ZNRF1: variants seen among roughly 807,000 people sequenced by gnomAD.
ZNRF1 encodes E3 ubiquitin-protein ligase ZNRF1.
In ZNRF1, 3 loss-of-function variants were observed where a neutral mutation model predicts 18.4. That is an observed-to-expected ratio of 0.16 (90% CI 0.07 to 0.42). ZNRF1 has a LOEUF of 0.42. Ranked by LOEUF, ZNRF1 falls within the 10% of genes least tolerant of loss-of-function variation. The probability of loss-of-function intolerance (pLI) is 0.99; values close to 1 mark genes in which losing one functional copy is unlikely to be tolerated. For missense variants in ZNRF1, 310 were observed against 329.8 expected (o/e 0.94, Z 0.47); for synonymous variants, 157 against 144.2 (o/e 1.09, Z -0.64).
chr16:75,091,728 G>A (rs540337181), intron 1 of ZNRF1, among the ~76,000 whole-genome samples: 28 of 151,690 alleles, frequency 1.8e-4, no homozygotes, highest in African/African-American at 5.6e-4. Flanking sequence ...GTAGAGACAG[G>A]CTTTTGCCAT....
In ZNRF1 at chr16:75,108,562, A is replaced by G. The variant is rs2036343664; in HGVS notation, c.*862A>G. The G allele has an allele frequency of 5.0e-6, 2 of 398,836 alleles. No homozygotes were observed. The highest frequency in any genetic ancestry group is 8.8e-6 in the Non-Finnish European group (2 of 226,074). The allele number at this position is 398,836 out of a possible 1,614,324, so 24.7% of individuals were successfully genotyped here. On this transcript the variant is annotated 3_prime_UTR_variant, in exon 5 of 5. Coordinates refer to ENST00000335325, the MANE Select transcript of ZNRF1 (RefSeq NM_032268.5). ...GCCATTGATGTTCACACGTGGCATC[A>G]GCCCATGCAAGATAGGTTTCTGTAT...
chr16:75,035,280 T>C (rs963627740), intron 1 of ZNRF1, among the ~76,000 whole-genome samples: 18 of 152,182 alleles, frequency 1.2e-4, no homozygotes, highest in African/African-American at 3.9e-4. Flanking sequence ...GTGATCCTCC[T>C]GTCTCAGCCT....
intron 1 of ZNRF1, among the ~76,000 whole-genome samples, chr16:75,087,977 T>C (rs1662058847): frequency 6.6e-6 from 1 of 152,226 alleles, no homozygotes; most frequent in South Asian, 2.1e-4. Flanking sequence ...TCCTGAAGCA[T>C]CTCTTACCTG....
intron 3 of ZNRF1, chr16:75,106,114 G>A (rs3826112): frequency 0.3 from 60,792 of 205,804 alleles, 10,878 homozygotes; most frequent in East Asian, 0.66. Context: ...TGGGAGTCTT[G>A]GAGACAGCTG....
chr16:75,044,225 C>G (rs2035485999), intron 1 of ZNRF1, among the ~76,000 whole-genome samples: 1 of 152,014 alleles, frequency 6.6e-6, no homozygotes, highest in South Asian at 2.1e-4. Context: ...CTCTGACTTT[C>G]TTTAAAATTT....
At chr16:75,023,956 C>T (rs2035188766) in intron 1 of ZNRF1, among the ~76,000 whole-genome samples, 1 of 148,330 alleles carries the variant, frequency 6.7e-6, no homozygotes, top group South Asian at 2.2e-4. Flanking sequence ...CTGCAATCTC[C>T]ACCTCCTGGG....
At position 75,094,033 on chromosome 16, in the gene ZNRF1, G is replaced by A. The variant is rs1042765182; in HGVS notation, c.520+366G>A. 2.0e-5 allele frequency among the ~76,000 whole-genome samples: 3 copies of A among 152,222 alleles called. No individual in the cohort carries two copies. The East Asian group carries it at 5.8e-4, about 29-fold the overall frequency. ...CCCAAGACAGCCAGGTGTCCTCCAC[G>A]GCTTAGCAGAGGGGCCCAGAGCAAG... On this transcript the variant is annotated intron_variant, in intron 2 of 4. Coordinates refer to ENST00000335325, the MANE Select transcript of ZNRF1 (RefSeq NM_032268.5).
intron 1 of ZNRF1, among the ~76,000 whole-genome samples, chr16:75,088,197 G>A (rs968492156): frequency 2.6e-5 from 4 of 152,162 alleles, no homozygotes; most frequent in Non-Finnish European, 4.4e-5. Context: ...GGGCTGTAGT[G>A]GACGCTTATG....
chr16:75,033,941 G>GT (rs977637402), intron 1 of ZNRF1, among the ~76,000 whole-genome samples: 3 of 151,080 alleles, frequency 2.0e-5, no homozygotes, highest in African/African-American at 7.3e-5. Flanking sequence ...GAGCTCAGGA[G>GT]TTTGAGACCA....
intron 1 of ZNRF1, among the ~76,000 whole-genome samples, chr16:75,038,014 T>G (rs1381033953): frequency 1.3e-5 from 2 of 152,210 alleles, no homozygotes; most frequent in African/African-American, 4.8e-5. Flanking sequence ...TGAGATGTAG[T>G]GACCAAGTTC....
At position 75,109,851 on chromosome 16, in the gene ZNRF1, C is replaced by G. The variant is rs369859345; in HGVS notation, c.*2151C>G. The G allele has an allele frequency of 1.3e-5, 2 of 152,428 alleles. No individual in the cohort carries two copies. The highest frequency in any genetic ancestry group is 3.9e-4 in the East Asian group (2 of 5,180). 9.4% of individuals were successfully genotyped at this position (152,428 alleles called of 1,614,324 possible). A position where few individuals can be genotyped will look rare whatever the true frequency, so the allele number is the denominator to read the frequency against. On this transcript the variant is annotated 3_prime_UTR_variant, in exon 5 of 5. Coordinates refer to ENST00000335325, the MANE Select transcript of ZNRF1 (RefSeq NM_032268.5). Reference sequence around the variant, plus strand: ...CATAGCTTTGTCACCACAAAGGGCACTGTTCTATTCACAGCACCTCCTGCT... The same window carrying G: ...CATAGCTTTGTCACCACAAAGGGCAGTGTTCTATTCACAGCACCTCCTGCT...
rs1334011026 is a variant in ZNRF1 at position 75,095,671 on chromosome 16, G to T, written c.520+2004G>T. 3 of 1,550,084 alleles carry T rather than the reference G, an allele frequency of 1.9e-6. No homozygotes were observed. The East Asian group carries it at 7.3e-5, about 38-fold the overall frequency. ...TCTCAGGAAGAACTTTGCAAGAGCA[G>T]CCGTGGAGGACAGAGTGCTCTTGGG... On this transcript the variant is annotated intron_variant, in intron 2 of 4. Coordinates refer to ENST00000335325, the MANE Select transcript of ZNRF1 (RefSeq NM_032268.5).
At chr16:75,031,291 C>A (rs892602643) in intron 1 of ZNRF1, among the ~76,000 whole-genome samples, 3 of 151,824 alleles carry the variant, frequency 2.0e-5, no homozygotes, top group Admixed American at 2.0e-4. Context: ...ACCACCAAAC[C>A]CAACTAATTT....
At chr16:75,083,948 G>A (rs2036044463) in intron 1 of ZNRF1, among the ~76,000 whole-genome samples, 1 of 152,238 alleles carries the variant, frequency 6.6e-6, no homozygotes, top group South Asian at 2.1e-4. Context: ...CACAGTTCCA[G>A]AAGCTTGCTG....
intron 1 of ZNRF1, among the ~76,000 whole-genome samples, chr16:75,000,581 A>C (rs1262103881): frequency 2.6e-5 from 4 of 152,204 alleles, no homozygotes; most frequent in African/African-American, 9.6e-5. Context: ...GCTGGGAGAG[A>C]GAGGTGCCCA....
At chr16:75,103,196 T>C (rs113281883) in intron 2 of ZNRF1, among the ~76,000 whole-genome samples, 1,908 of 152,310 alleles carry the variant, frequency 0.013, 49 homozygotes, top group African/African-American at 0.039. Context: ...CAGAATGCCA[T>C]AGGACTTAAT....
chr16:75,049,642 C>CA (rs2035564663), intron 1 of ZNRF1, among the ~76,000 whole-genome samples: 1 of 152,110 alleles, frequency 6.6e-6, no homozygotes, highest in Non-Finnish European at 1.5e-5. Flanking sequence ...ACAAAAAATG[C>CA]AAAAAACAAA....
chr16:75,035,919 C>G (rs1442582965), intron 1 of ZNRF1, among the ~76,000 whole-genome samples: 1 of 152,208 alleles, frequency 6.6e-6, no homozygotes, highest in African/African-American at 2.4e-5. Flanking sequence ...GCCCACTCAC[C>G]CAACTCCTAA....
intron 1 of ZNRF1, among the ~76,000 whole-genome samples, chr16:75,006,072 A>G (rs1191502490): frequency 6.6e-6 from 1 of 152,208 alleles, no homozygotes; most frequent in Non-Finnish European, 1.5e-5. Flanking sequence ...GGTACAGGAT[A>G]TAGTCTTACG....
Sources: gnomAD v4.1 joint callset for allele counts (sites outside exome capture counted in the v4.1 genomes callset) on GRCh38, gnomAD v4.1.1 for gene constraint, MANE v1.5 for transcripts, NCBI Gene and HGNC (gene_info 2026-07-23, HGNC 2026-07-21) for gene names.